The following MYH1 variants were observed in gnomAD, a reference collection of about 807,000 sequenced individuals.
MYH1 encodes myosin-1.
MYH1 carries 214 observed loss-of-function variants against 225.6 expected under a neutral mutation model. The observed-to-expected ratio is 0.95, with a 90% confidence interval of 0.85 to 1.06. The LOEUF is 1.06. Ranked by LOEUF, MYH1 falls within the 50% of genes least tolerant of loss-of-function variation. The pLI, the probability that MYH1 is intolerant of heterozygous loss-of-function variation, is 0.00. For synonymous variants in MYH1, 774 were observed against 842.3 expected (o/e 0.92, Z 1.40); for missense variants, 2,098 against 2,344.2 (o/e 0.89, Z 2.17).
intron 35 of MYH1, among the ~76,000 whole-genome samples, chr17:10,495,705 G>A (rs1390070662): frequency 2.4e-5 from 3 of 125,500 alleles, no homozygotes; most frequent in African/African-American, 5.8e-5. Flanking sequence ...AGCTTGCAGC[G>A]AGCCGAGGTT....
intron 11 of MYH1, 52 bp from the exon 12 acceptor site, chr17:10,512,598 G>A: frequency 1.2e-6 from 2 of 1,612,606 alleles, no homozygotes; most frequent in African/African-American, 2.7e-5. Flanking sequence ...AATTTATACT[G>A]TATCTTTTAC....
intron 6 of MYH1, 66 bp from the exon 7 acceptor site, chr17:10,514,190 C>T: frequency 6.4e-7 from 1 of 1,560,536 alleles, no homozygotes; most frequent in Admixed American, 1.7e-5. Flanking sequence ...TACCTCATGG[C>T]TTTGTCTTTA....
chr17:10,507,642 T>G (rs1319394223), intron 17 of MYH1, among the ~76,000 whole-genome samples: 1 of 152,132 alleles, frequency 6.6e-6, no homozygotes, highest in Admixed American at 6.6e-5. Flanking sequence ...AATACTGACT[T>G]CTGCAATTCG....
Position 10,494,407 on chromosome 17 carries a change from C to T in MYH1, c.5614G>A (p.Val1872Met), listed in dbSNP as rs1308355071. Reference sequence around the variant, plus strand: ...TTCACCTTTGCTTGCAGTTTGTCCACCAGGTCCTGGAGCCTGAGAATATTC... The same window carrying T: ...TTCACCTTTGCTTGCAGTTTGTCCATCAGGTCCTGGAGCCTGAGAATATTC... ...RKNILRLQDL[V>M]DKLQAKVKSY... Residue 1872 changes from valine (V) to methionine (M), a missense_variant, in exon 39 of 40, where the codon GTG becomes ATG. Coordinates refer to ENST00000226207, the MANE Select transcript of MYH1 (RefSeq NM_005963.4). 9 of 1,614,152 alleles carry T rather than the reference C, an allele frequency of 5.6e-6. No homozygotes were observed. The highest frequency in any genetic ancestry group is 6.8e-6 in the Non-Finnish European group (8 of 1,180,020).
At position 10,511,913 on chromosome 17, in the gene MYH1, G is replaced by A. The variant is rs1199471150; in HGVS notation, c.1342C>T (p.Gln448Ter). 2 of 1,614,206 alleles carry A rather than the reference G, an allele frequency of 1.2e-6. No individual in the cohort carries two copies. The highest frequency in any genetic ancestry group is 1.3e-5 in the African/African-American group (1 of 75,048). The change falls in exon 14 of 40, where the codon CAG becomes TAG. Residue 448 changes from glutamine (Q) to a stop codon, truncating the protein, a stop_gained. Transcript: ENST00000226207. LOFTEE classifies it high-confidence loss of function. ...MFLWMVTRIN[Q>*]QLDTKQPRQY... The stretch of plus-strand genomic sequence containing the variant: ...CTGGGCTGCTTGGTGTCCAGCTGCT[G>A]GTTGATGCGGGTGACCATCCACAAG...
At chr17:10,515,851 G>A in intron 5 of MYH1, 75 bp downstream of exon 5, 1 of 1,608,128 alleles carries the variant, frequency 6.2e-7, no homozygotes, top group Non-Finnish European at 8.5e-7. Flanking sequence ...TTTTCTAAAG[G>A]TCTTTTTTTA....
rs756170551 is a variant in MYH1, at chr17:10,503,092, C to G, written c.2848G>C (p.Glu950Gln). The change falls in exon 23 of 40, where the codon GAA (glutamate) becomes CAA (glutamine). Residue 950 changes from glutamate (E) to glutamine (Q), a missense_variant. By Grantham distance (29) the Glu-to-Gln change is conservative. Coordinates refer to ENST00000226207, the MANE Select transcript of MYH1 (RefSeq NM_005963.4). ...ATGTCTTTCTTGAGTTCTGAACATT[C>G]ATCCTCCAGTTTCCTCTTCTTGGCT... ...LTAKKRKLEDECSELKKDIDD... is the reference protein window; with the variant it reads ...LTAKKRKLEDQCSELKKDIDD... The G allele has an allele frequency of 1.9e-6, 3 of 1,612,568 alleles. No homozygotes were observed. The highest frequency in any genetic ancestry group is 2.5e-6 in the Non-Finnish European group (3 of 1,178,842).
chr17:10,502,636 A>G, intron 24 of MYH1, 102 bp downstream of exon 24: 1 of 1,524,212 alleles, frequency 6.6e-7, no homozygotes, highest in South Asian at 1.2e-5. Flanking sequence ...CATTCATAGG[A>G]GGCACTTGAT....
At chr17:10,515,818 A>T (rs185809033) in intron 5 of MYH1, 108 bp downstream of exon 5, 2 of 1,570,420 alleles carry the variant, frequency 1.3e-6, no homozygotes, top group East Asian at 4.5e-5. Context: ...TCTGCTGAAC[A>T]ACCAGGGGCG....
intron 17 of MYH1, among the ~76,000 whole-genome samples, chr17:10,506,681 C>T (rs1217029070): frequency 6.6e-6 from 1 of 151,898 alleles, no homozygotes; most frequent in Non-Finnish European, 1.5e-5. Flanking sequence ...TTGGTAGAGA[C>T]GGGGTTTCAC....
At chr17:10,497,249 A>C in intron 32 of MYH1, 38 bp downstream of exon 32, 1 of 1,591,780 alleles carries the variant, frequency 6.3e-7, no homozygotes, top group Non-Finnish European at 8.5e-7. Flanking sequence ...GATTCTTTCA[A>C]ATCTTTTATT....
chr17:10,497,221 T>A lies in MYH1; in HGVS notation c.4532-28A>T, dbSNP rs1422044758. On this transcript the variant is annotated intron_variant, in intron 32 of 39. Transcript: ENST00000226207. ...GTTGGTGAACAAAAAATATAGAAAT[T>A]TGTTTATAGTTGGAAAAGATTCTTT... 3 of 1,595,676 alleles carry A rather than the reference T, an allele frequency of 1.9e-6. No homozygotes were observed. The Admixed American group carries it at 5.4e-5, about 29-fold the overall frequency.
At chr17:10,514,259 T>C (rs2073203641) in intron 6 of MYH1, 135 bp from the exon 7 acceptor site, 1 of 1,058,544 alleles carries the variant, frequency 9.4e-7, no homozygotes, top group Non-Finnish European at 1.4e-6. Context: ...GCTCGTATTA[T>C]TTCTTTTGCT....
intron 2 of MYH1, among the ~76,000 whole-genome samples, chr17:10,517,517 A>G (rs906267507): frequency 1.3e-5 from 2 of 152,214 alleles, no homozygotes; most frequent in African/African-American, 4.8e-5. Flanking sequence ...CACATTAGCT[A>G]GCATTCATTA....
chr17:10,494,627 A>G lies in MYH1; in HGVS notation c.5513T>C (p.Val1838Ala), dbSNP rs901830753. 6.2e-7 allele frequency: 1 copy of G among 1,614,128 alleles called. No homozygotes were observed. The highest frequency in any genetic ancestry group is 1.3e-5 in the African/African-American group (1 of 75,038). ...TTTGCGTAGACCCTTGACAGCTTCA[A>G]CATTGCGCTTCTGTTCACTTTCAAC... ...GEVESEQKRN[V>A]EAVKGLRKHE... Residue 1838 changes from valine (V) to alanine (A), a missense_variant, in exon 38 of 40, where the codon GTT (valine) becomes GCT (alanine). Val to Ala is a moderately conservative substitution (Grantham distance 64). Coordinates refer to ENST00000226207, the MANE Select transcript of MYH1 (RefSeq NM_005963.4).
At position 10,495,306 on chromosome 17, in the gene MYH1, C is replaced by T; in HGVS notation, c.5181G>A (p.Leu1727=). ...VQLLHTQNTS[L]INTKKKLETD... is the part of the protein sequence containing the mutation. ...TCTCCAGCTTCTTCTTGGTGTTGATCAGGCTGGTGTTCTGTTTAAAATGTG... is the reference window on the plus strand; with the variant it reads ...TCTCCAGCTTCTTCTTGGTGTTGATTAGGCTGGTGTTCTGTTTAAAATGTG... The change falls in exon 36 of 40, where the codon CTG becomes CTA. Residue 1727 remains leucine (L), a synonymous_variant. Transcript: ENST00000226207. 1.2e-6 allele frequency: 2 copies of T among 1,614,112 alleles called. No homozygotes were observed. Among genetic ancestry groups the T allele is most frequent in the Non-Finnish European group, 8.5e-7 (1 of 1,180,012 alleles).
chr17:10,516,374 A>G (rs1362576075), intron 3 of MYH1, 32 bp from the exon 4 acceptor site: 1 of 1,614,044 alleles, frequency 6.2e-7, no homozygotes, highest in African/African-American at 1.3e-5. Flanking sequence ...GCCAGATCAA[A>G]AAGTAAGTGC....
Position 10,515,989 on chromosome 17 carries a change from G to C in MYH1, c.442C>G (p.Arg148Gly). The part of the protein sequence containing the change: ...EVVTAYRGKK[R>G]QEAPPHIFSI... The stretch of plus-strand genomic sequence containing the variant: ...AAGATGTGGGGTGGGGCCTCCTGGC[G>C]CTTTTTGCCTCGGTAGGCTGTCACC... The change falls in exon 5 of 40, where the codon CGC becomes GGC. Residue 148 changes from arginine to glycine, a missense_variant. By Grantham distance (125) the Arg-to-Gly change is moderately radical. Coordinates refer to ENST00000226207, the MANE Select transcript of MYH1 (RefSeq NM_005963.4). The C allele has an allele frequency of 6.2e-7, 1 of 1,614,176 alleles. No individual in the cohort carries two copies. Among genetic ancestry groups the C allele is most frequent in the Non-Finnish European group, 8.5e-7 (1 of 1,180,022 alleles).
At chr17:10,514,247 T>A in intron 6 of MYH1, 123 bp from the exon 7 acceptor site, 1 of 1,125,284 alleles carries the variant, frequency 8.9e-7, no homozygotes, top group Non-Finnish European at 1.3e-6. Flanking sequence ...AGCCTACATA[T>A]AGCTCGTATT....
Sources: gnomAD v4.1 joint callset for allele counts (sites outside exome capture counted in the v4.1 genomes callset) on GRCh38, gnomAD v4.1.1 for gene constraint, MANE v1.5 for transcripts, NCBI Gene and HGNC (gene_info 2026-07-23, HGNC 2026-07-21) for gene names.